Variants in LPA observed in about 807,000 individuals in gnomAD.
LPA encodes apolipoprotein(a).
In LPA, 199 loss-of-function variants were observed where a neutral mutation model predicts 197.9. The ratio of observed to expected loss-of-function variants is 1.01; its 90% confidence interval spans 0.90 to 1.13. The LOEUF is 1.13. LPA is among the 50% of genes most tolerant of loss of function. The pLI, the probability that LPA is intolerant of heterozygous loss-of-function variation, is 0.00. For missense variants in LPA, 1,853 were observed against 1,785.8 expected (o/e 1.04, Z -0.68); for synonymous variants, 715 against 639.5 (o/e 1.12, Z -1.78).
chr6:160,569,659 G>T (rs544800291), intron 28 of LPA, among the ~76,000 whole-genome samples: 1 of 152,258 alleles, frequency 6.6e-6, no homozygotes, highest in Admixed American at 6.5e-5. Flanking sequence ...AAGAGCTTCT[G>T]CACAGCAAAA....
At chr6:160,557,253 A>G in intron 29 of LPA, 137 bp downstream of exon 29, 1 of 1,056,760 alleles carries the variant, frequency 9.5e-7, no homozygotes, top group Non-Finnish European at 1.4e-6. Context: ...TCCACCAGAG[A>G]GAGTGCTGAG....
chr6:160,654,070 TATAA>T (rs1322345274), intron 1 of LPA, among the ~76,000 whole-genome samples: 21 of 60,032 alleles, frequency 3.5e-4, no homozygotes, highest in Non-Finnish European at 5.4e-4. Flanking sequence ...ATATATTATA[TATAA>T]TATATATTAT....
At chr6:160,653,966 T>C (rs113798069) in intron 1 of LPA, among the ~76,000 whole-genome samples, 1 of 28,140 alleles carries the variant, frequency 3.6e-5, no homozygotes, top group African/African-American at 1.6e-4. Flanking sequence ...ATAATATATA[T>C]TATATATAAT....
chr6:160,585,619 C>T (rs976681852), intron 25 of LPA, among the ~76,000 whole-genome samples: 15 of 151,972 alleles, frequency 9.9e-5, no homozygotes, highest in South Asian at 2.1e-4. Flanking sequence ...AACCCTTGCA[C>T]ACTAGACCAC....
chr6:160,580,993 G>A (rs1013917045), intron 26 of LPA, among the ~76,000 whole-genome samples: 1 of 151,314 alleles, frequency 6.6e-6, no homozygotes, highest in Non-Finnish European at 1.5e-5. Context: ...CTTCTCCAAG[G>A]TTATAAGATA....
intron 30 of LPA, among the ~76,000 whole-genome samples, chr6:160,549,675 A>G (rs1180058976): frequency 6.6e-6 from 1 of 152,246 alleles, no homozygotes; most frequent in South Asian, 2.1e-4. Context: ...GTTTGAGTCT[A>G]AAAGACTTAT....
intron 2 of LPA, among the ~76,000 whole-genome samples, chr6:160,647,467 C>T (rs1434905408): frequency 6.6e-6 from 1 of 152,168 alleles, no homozygotes; most frequent in Non-Finnish European, 1.5e-5. Flanking sequence ...ACACATGTGG[C>T]CTAGTCTCAG....
chr6:160,615,368 G>GTT (rs1779576977), intron 14 of LPA, among the ~76,000 whole-genome samples: 1 of 138,228 alleles, frequency 7.2e-6, no homozygotes, highest in African/African-American at 2.8e-5. Flanking sequence ...GTGTGTGTGT[G>GTT]TGTGTGTGTG....
intron 18 of LPA, among the ~76,000 whole-genome samples, chr6:160,602,407 A>G (rs1009875018): frequency 6.6e-6 from 1 of 152,180 alleles, no homozygotes; most frequent in Non-Finnish European, 1.5e-5. Flanking sequence ...TACACTTCCA[A>G]TTATTCCCCA....
At chr6:160,595,596 G>A (rs545069778) in intron 20 of LPA, 61 bp from the exon 21 acceptor site, 109 of 1,611,306 alleles carry the variant, frequency 6.8e-5, no homozygotes, top group Middle Eastern at 1.8e-4. Flanking sequence ...GGCACTTAGC[G>A]CCCTCTACAT....
intron 37 of LPA, among the ~76,000 whole-genome samples, chr6:160,533,533 T>C (rs889610967): frequency 1.3e-5 from 2 of 152,190 alleles, no homozygotes; most frequent in East Asian, 3.9e-4. Flanking sequence ...ACCTTCCACA[T>C]GTTTGTTCAT....
At chr6:160,537,011 T>C (rs1467223715) in intron 37 of LPA, among the ~76,000 whole-genome samples, 1 of 152,162 alleles carries the variant, frequency 6.6e-6, no homozygotes, top group African/African-American at 2.4e-5. Flanking sequence ...CGTGTCTAGT[T>C]CAGGTCTATC....
At position 160,547,723 on chromosome 6, in the gene LPA, T is replaced by C. The variant is rs1583570419; in HGVS notation, c.5304+66A>G. 6 of 1,607,868 alleles carry C rather than the reference T, an allele frequency of 3.7e-6. No individual in the cohort carries two copies. In the African/African-American group the frequency reaches 4.0e-5, roughly 11 times the overall value. On this transcript the variant is annotated intron_variant, in intron 32 of 38. Transcript: ENST00000316300. ...CTGAAGTCTTTCCAGTATTTTCCTC[T>C]GCCCCTCTTCTGTTTGAAAAGATTT...
chr6:160,564,911 C>A (rs546773061), intron 28 of LPA, among the ~76,000 whole-genome samples: 1 of 152,166 alleles, frequency 6.6e-6, no homozygotes, highest in African/African-American at 2.4e-5. Flanking sequence ...GTACAGCAGT[C>A]TGAGATTGAA....
chr6:160,662,026 A>G (rs1780235718), intron 1 of LPA, among the ~76,000 whole-genome samples: 1 of 152,190 alleles, frequency 6.6e-6, no homozygotes, highest in South Asian at 2.1e-4. Context: ...TTCATAGAGC[A>G]TCACTGCTGA....
At position 160,606,463 on chromosome 6, in the gene LPA, C is replaced by T. The variant is rs202077933; in HGVS notation, c.2785+14G>A. ...GCATCGAAACGTGTAGGTTTCTGGC[C>T]ACAGGCTCCTTACCTTGTTCAGAAG... On this transcript the variant is annotated intron_variant, in intron 17 of 38. Transcript: ENST00000316300. The T allele has an allele frequency of 1.4e-3, 2,295 of 1,613,152 alleles. 15 individuals are homozygous for T. In the Middle Eastern group the frequency reaches 0.024, roughly 17 times the overall value.
intron 23 of LPA, among the ~76,000 whole-genome samples, chr6:160,590,278 G>T (rs946832294): frequency 2.0e-5 from 3 of 152,122 alleles, no homozygotes; most frequent in African/African-American, 7.2e-5. Flanking sequence ...TTGGGCCCAG[G>T]ATCCTGCATT....
At chr6:160,592,273 A>G (rs1395339050) in intron 22 of LPA, among the ~76,000 whole-genome samples, 2 of 152,174 alleles carry the variant, frequency 1.3e-5, no homozygotes, top group Non-Finnish European at 2.9e-5. Flanking sequence ...GTCTAGCTTT[A>G]ATTGAATCAT....
chr6:160,590,798 G>T (rs1779009984), intron 23 of LPA, 146 bp downstream of exon 23: 2 of 1,123,480 alleles, frequency 1.8e-6, no homozygotes, highest in South Asian at 1.4e-5. Flanking sequence ...CCCCAGAGAA[G>T]GCGCTGAGGC....
Sources: allele counts gnomAD v4.1 joint callset (sites outside exome capture counted in the v4.1 genomes callset), GRCh38; gene constraint gnomAD v4.1.1; transcripts MANE v1.5; gene names NCBI Gene and HGNC (gene_info 2026-07-23, HGNC 2026-07-21).